DCAF6: variants seen among roughly 807,000 people sequenced by gnomAD.
The protein encoded by DCAF6 is DDB1- and CUL4-associated factor 6.
In DCAF6, 54 loss-of-function variants were observed where a neutral mutation model predicts 125.1. The ratio of observed to expected loss-of-function variants is 0.43; its 90% CI spans 0.35 to 0.54. The LOEUF is 0.54. Ranked by LOEUF, DCAF6 falls within the 20% of genes least tolerant of loss-of-function variation. The pLI is 0.01. For synonymous variants in DCAF6, 371 were observed against 390.4 expected, an observed-to-expected ratio of 0.95 and a Z score of 0.58; for missense variants, 934 against 1,161.7, an observed-to-expected ratio of 0.80 and a Z score of 2.85.
chr1:168,055,339 T>G (rs1413260053), intron 17 of DCAF6, among the ~76,000 whole-genome samples: 127 of 11,020 alleles, frequency 0.012, 24 homozygotes, highest in Non-Finnish European at 0.02. Context: ...AAGTTTTTTT[T>G]TTTTTTTTTT....
chr1:167,894,892 A>G, the DCAF6 span, among the ~76,000 whole-genome samples: 2 of 152,166 alleles, frequency 1.3e-5, no homozygotes, highest in East Asian at 3.9e-4. Context: ...TAACATCAGA[A>G]TTGCACTGCA....
chr1:168,029,283 CAAT>C (rs1557999447), intron 12 of DCAF6, among the ~76,000 whole-genome samples: 1 of 152,114 alleles, frequency 6.6e-6, no homozygotes, highest in African/African-American at 2.4e-5. Flanking sequence ...TTTGTGCTAA[CAAT>C]GAGGTGAATT....
the DCAF6 span, among the ~76,000 whole-genome samples, chr1:167,885,418 G>A: frequency 6.6e-6 from 1 of 152,146 alleles, no homozygotes; most frequent in African/African-American, 2.4e-5. Context: ...AGTGTACAAG[G>A]ATTCCCTTTT....
chr1:168,014,985 A>G (rs74120600), intron 10 of DCAF6, among the ~76,000 whole-genome samples: 4,553 of 152,256 alleles, frequency 0.03, 235 homozygotes, highest in African/African-American at 0.1. Context: ...TGACACAAAC[A>G]CATATGTTCA....
chr1:168,038,863 T>A (rs1688157839), intron 13 of DCAF6, among the ~76,000 whole-genome samples: 1 of 152,064 alleles, frequency 6.6e-6, no homozygotes, highest in African/African-American at 2.4e-5. Context: ...GGTAGGTGTA[T>A]ATGTATGATT....
intron 5 of DCAF6, among the ~76,000 whole-genome samples, chr1:167,990,162 T>G (rs1046463716): frequency 1.3e-5 from 2 of 152,166 alleles, no homozygotes; most frequent in African/African-American, 4.8e-5. Flanking sequence ...TAAAATATTA[T>G]GAATAAGCCT....
At chr1:168,037,101 C>A (rs1265643044) in intron 12 of DCAF6, among the ~76,000 whole-genome samples, 1 of 148,558 alleles carries the variant, frequency 6.7e-6, no homozygotes, top group Non-Finnish European at 1.5e-5. Context: ...GATTCTCCCC[C>A]CCCTTTTTTT....
At chr1:167,890,108 A>T in the DCAF6 span, among the ~76,000 whole-genome samples, 2 of 152,100 alleles carry the variant, frequency 1.3e-5, no homozygotes, top group South Asian at 2.1e-4. Flanking sequence ...GATGGTCTTG[A>T]TACTTGTGGA....
rs1693725251 is a variant in DCAF6, at chr1:168,075,769, T to C, written c.*334T>C. On this transcript the variant is annotated 3_prime_UTR_variant, in exon 22 of 22. Transcript: ENST00000367840. The stretch of plus-strand genomic sequence containing the variant: ...ATCATAGTGAAAATGTTGGTTCAAA[T>C]AAATTTCTACACTTGCCATTTGCAT... 4.9e-6 allele frequency: 1 copy of C among 202,704 alleles called. No homozygotes were observed. The allele number at this position is 202,704 out of a possible 1,614,324, so 12.6% of individuals were successfully genotyped here. A position where few individuals can be genotyped will look rare whatever the true frequency, so the allele number is the denominator to read the frequency against.
chr1:167,907,560 A>G, the DCAF6 span, among the ~76,000 whole-genome samples: 1 of 152,208 alleles, frequency 6.6e-6, no homozygotes, highest in Non-Finnish European at 1.5e-5. Flanking sequence ...AGCAAATTAC[A>G]TGACCATGCC....
At chr1:168,021,497 G>A (rs1685664260) in intron 11 of DCAF6, among the ~76,000 whole-genome samples, 1 of 152,136 alleles carries the variant, frequency 6.6e-6, no homozygotes, top group Non-Finnish European at 1.5e-5. Context: ...GGATAAATGA[G>A]AAGGCATCTT....
At chr1:168,056,840 C>G (rs1358709822) in intron 17 of DCAF6, among the ~76,000 whole-genome samples, 1 of 152,248 alleles carries the variant, frequency 6.6e-6, no homozygotes, top group East Asian at 1.9e-4. Context: ...TAACTACATT[C>G]TAGACAAGTA....
chr1:167,996,530 C>T (rs1162836567), intron 7 of DCAF6, among the ~76,000 whole-genome samples: 1 of 152,196 alleles, frequency 6.6e-6, no homozygotes, highest in Admixed American at 6.6e-5. Context: ...CCTGCTTTCA[C>T]TTCCTACAGC....
At chr1:167,944,992 G>GGAA (rs1672840848) in intron 1 of DCAF6, among the ~76,000 whole-genome samples, 1 of 152,176 alleles carries the variant, frequency 6.6e-6, no homozygotes, top group Non-Finnish European at 1.5e-5. Flanking sequence ...TTTCCACAGT[G>GGAA]TATGTTCTTG....
At chr1:167,933,980 G>A (rs1365044078), upstream of DCAF6, among the ~76,000 whole-genome samples, 3 of 152,186 alleles carry the variant, frequency 2.0e-5, no homozygotes, top group African/African-American at 4.8e-5. Flanking sequence ...TTATAGATGA[G>A]ATAACTAAGG....
At chr1:167,968,710 C>T (rs1369894252) in intron 3 of DCAF6, among the ~76,000 whole-genome samples, 1 of 152,226 alleles carries the variant, frequency 6.6e-6, no homozygotes, top group East Asian at 1.9e-4. Flanking sequence ...TGCATGGTTG[C>T]AGGAGCTCCC....
chr1:167,944,616 A>G (rs1431544860), intron 1 of DCAF6, among the ~76,000 whole-genome samples: 1 of 152,088 alleles, frequency 6.6e-6, no homozygotes, highest in Non-Finnish European at 1.5e-5. Context: ...AAAAATGTCT[A>G]TTCATGTGTT....
chr1:167,886,617 C>T, the DCAF6 span, among the ~76,000 whole-genome samples: 1 of 152,258 alleles, frequency 6.6e-6, no homozygotes, highest in East Asian at 1.9e-4. Context: ...TAGGCAATAC[C>T]ATTCAGTACA....
the DCAF6 span, among the ~76,000 whole-genome samples, chr1:167,898,938 T>C: frequency 6.6e-6 from 1 of 152,140 alleles, no homozygotes; most frequent in Non-Finnish European, 1.5e-5. Context: ...TTAACCACAA[T>C]GTTTTCTACT....
Sources: allele counts gnomAD v4.1 joint callset (sites outside exome capture counted in the v4.1 genomes callset), GRCh38; gene constraint gnomAD v4.1.1; transcripts MANE v1.5; gene names NCBI Gene and HGNC (gene_info 2026-07-23, HGNC 2026-07-21).